Variants in RNF111 observed in about 807,000 individuals in gnomAD.
The protein encoded by RNF111 is ring finger protein 111, also known as E3 ubiquitin-protein ligase Arkadia.
Under a neutral mutation model 95.1 loss-of-function variants are expected in RNF111, and 17 were observed. That is an observed-to-expected ratio of 0.18 (90% CI 0.12 to 0.27). The LOEUF is 0.27. Among genes scored for constraint, RNF111 ranks in the 10% least tolerant of loss-of-function variants. The pLI is 1.00. For missense variants in RNF111, 1,189 were observed against 1,210.4 expected (o/e 0.98, Z 0.26); for synonymous variants, 440 against 414.8 (o/e 1.06, Z -0.74).
intron 3 of RNF111, among the ~76,000 whole-genome samples, chr15:59,053,202 T>C (rs1192334990): frequency 2.0e-5 from 3 of 152,190 alleles, no homozygotes; most frequent in African/African-American, 7.2e-5. Context: ...TAATGAAACA[T>C]CCTTATCTGT....
At chr15:59,004,041 T>C in intron 1 of RNF111, 1 of 424,252 alleles carries the variant, frequency 2.4e-6, no homozygotes, top group Non-Finnish European at 3.4e-6. Context: ...CTATCCTGTG[T>C]TTATCCTCCT....
chr15:59,014,288 C>T (rs2039966093), intron 1 of RNF111, among the ~76,000 whole-genome samples: 2 of 152,080 alleles, frequency 1.3e-5, no homozygotes, highest in Non-Finnish European at 2.9e-5. Context: ...CTGGTGAAAT[C>T]AGCTGTTTTG....
intron 1 of RNF111, among the ~76,000 whole-genome samples, chr15:59,020,250 A>G (rs1245832161): frequency 6.7e-6 from 1 of 150,178 alleles, no homozygotes; most frequent in Admixed American, 6.7e-5. Flanking sequence ...CTGTACATAA[A>G]TATAACAATA....
chr15:59,028,707 A>C (rs545508059), intron 1 of RNF111, among the ~76,000 whole-genome samples: 1 of 151,814 alleles, frequency 6.6e-6, no homozygotes, highest in South Asian at 2.1e-4. Flanking sequence ...TTTTTTTATG[A>C]ATATGTGTTT....
intron 2 of RNF111, among the ~76,000 whole-genome samples, chr15:59,039,904 A>C (rs530044160): frequency 6.6e-6 from 1 of 151,356 alleles, no homozygotes; most frequent in Non-Finnish European, 1.5e-5. Context: ...TTTAGTAGAG[A>C]CGGGGTTTCA....
Position 59,030,987 on chromosome 15 carries a change from G to A in RNF111, c.165G>A (p.Met55Ile). Residue 55 changes from methionine to isoleucine, a missense_variant, in exon 2 of 14, where the codon ATG (methionine) becomes ATA (isoleucine). Coordinates refer to ENST00000348370, the MANE Select transcript of RNF111 (RefSeq NM_017610.8). The part of the protein sequence containing the change: ...AAKSFPAGVE[M>I]INSKVGNEFS... ...AAAGTTTTCCTGCAGGAGTTGAGAT[G>A]ATTAATAGTAAAGTGGGGAATGAAT... The A allele has an allele frequency of 6.2e-7, 1 of 1,614,142 alleles. No individual in the cohort carries two copies. The highest frequency in any genetic ancestry group is 8.5e-7 in the Non-Finnish European group (1 of 1,180,028).
intron 2 of RNF111, among the ~76,000 whole-genome samples, chr15:59,035,824 C>A (rs2041149665): frequency 6.6e-6 from 1 of 152,170 alleles, no homozygotes; most frequent in Non-Finnish European, 1.5e-5. Context: ...TTGTCCATAT[C>A]ACTGTCAGCA....
intron 2 of RNF111, among the ~76,000 whole-genome samples, chr15:59,038,780 G>A (rs961275628): frequency 1.4e-4 from 22 of 152,106 alleles, no homozygotes; most frequent in Admixed American, 5.9e-4. Flanking sequence ...TTCAAGTTTA[G>A]TTCCGGCAGT....
At chr15:59,000,364 T>C (rs1429715526) in intron 1 of RNF111, among the ~76,000 whole-genome samples, 1 of 151,968 alleles carries the variant, frequency 6.6e-6, no homozygotes, top group Admixed American at 6.6e-5. Context: ...GGTTTCACCA[T>C]GTTGTCCAGG....
intron 1 of RNF111, among the ~76,000 whole-genome samples, chr15:59,018,311 G>A (rs537674383): frequency 1.3e-5 from 2 of 152,152 alleles, no homozygotes; most frequent in African/African-American, 2.4e-5. Context: ...CTGAGTTTCT[G>A]CCCTATTCTG....
chr15:59,083,569 C>A lies in RNF111; in HGVS notation c.2298-560C>A, dbSNP rs192566966. On this transcript the variant is annotated intron_variant, in intron 8 of 13. Coordinates refer to ENST00000348370, the MANE Select transcript of RNF111 (RefSeq NM_017610.8). ...AAAAAAGTATGAATCAAGCTAAATA[C>A]ACGTTTCCTAGGTGTGTTAACTTGT... Among the ~76,000 whole-genome samples, 121 of 151,210 alleles carry A rather than the reference C, an allele frequency of 8.0e-4. 1 individual carries two copies. The highest frequency in any genetic ancestry group is 1.0e-3 in the South Asian group (5 of 4,792).
At chr15:59,073,097 G>A (rs1173154573) in intron 6 of RNF111, among the ~76,000 whole-genome samples, 2 of 152,092 alleles carry the variant, frequency 1.3e-5, no homozygotes, top group African/African-American at 4.8e-5. Flanking sequence ...TGCTTGAGCT[G>A]GGTAGGTGGA....
At chr15:59,035,216 AATT>A (rs1349880127) in intron 2 of RNF111, among the ~76,000 whole-genome samples, 1 of 152,124 alleles carries the variant, frequency 6.6e-6, no homozygotes, top group African/African-American at 2.4e-5. Flanking sequence ...GACACGTGGG[AATT>A]ATTATAAGTC....
At chr15:59,063,393 C>G (rs1398112943) in intron 5 of RNF111, among the ~76,000 whole-genome samples, 1 of 152,174 alleles carries the variant, frequency 6.6e-6, no homozygotes, top group African/African-American at 2.4e-5. Flanking sequence ...ATGCCTGCCT[C>G]TCGATAATCC....
Position 59,031,348 on chromosome 15 carries a change from A to G in RNF111, c.526A>G (p.Ser176Gly), listed in dbSNP as rs760557447. 3 of 1,614,208 alleles carry G rather than the reference A, an allele frequency of 1.9e-6. No homozygotes were observed. The highest frequency in any genetic ancestry group is 2.2e-5 in the East Asian group (1 of 44,888). Reference protein sequence around the residue: ...SQTILNAKSRSHSARSHKWPR... With the variant: ...SQTILNAKSRGHSARSHKWPR... ...GACCATTTTGAATGCTAAAAGTAGA[A>G]GCCATAGTGCACGGTCTCATAAGTG... The change falls in exon 2 of 14, where the codon AGC (serine) becomes GGC (glycine). Residue 176 changes from serine to glycine, a missense_variant. Around this residue, in one of 2 missense-constraint regions of RNF111, gnomAD observed 1,024 missense variants for 925.9 expected, o/e 1.11. Coordinates refer to ENST00000348370, the MANE Select transcript of RNF111 (RefSeq NM_017610.8).
At position 59,053,163 on chromosome 15, in the gene RNF111, A is replaced by G. The variant is rs1367633089; in HGVS notation, c.1007+732A>G. ...TTTGATTCTTTTTCCTTCACTCAGT[A>G]ATTTTATCGGTGCTCTGAACTAACA... On this transcript the variant is annotated intron_variant, in intron 3 of 13. Transcript: ENST00000348370. Among the ~76,000 whole-genome samples, 4 of 152,194 alleles carry G rather than the reference A, an allele frequency of 2.6e-5. No homozygotes were observed. The South Asian group carries it at 8.3e-4, about 32-fold the overall frequency.
intron 2 of RNF111, among the ~76,000 whole-genome samples, chr15:59,037,807 G>T (rs2041254564): frequency 6.6e-6 from 1 of 152,118 alleles, no homozygotes; most frequent in Non-Finnish European, 1.5e-5. Context: ...TTGCACTCCA[G>T]CCTGGGCAAC....
At position 59,031,308 on chromosome 15, in the gene RNF111, T is replaced by G; in HGVS notation, c.486T>G (p.Ser162=). 1 of 1,614,210 alleles carries G rather than the reference T, an allele frequency of 6.2e-7. No homozygotes were observed. The part of the protein sequence containing the change: ...TVTSDEDKEV[S]VRHSQTILNA... ...CTTCAGATGAGGATAAAGAAGTCTC[T>G]GTAAGACATTCCCAGACCATTTTGA... is the stretch of plus-strand genomic sequence containing the variant. The change falls in exon 2 of 14, where the codon TCT becomes TCG. Residue 162 remains serine (S), a synonymous_variant. Transcript: ENST00000348370.
At chr15:59,006,042 A>G (rs2039526421) in intron 1 of RNF111, among the ~76,000 whole-genome samples, 1 of 152,246 alleles carries the variant, frequency 6.6e-6, no homozygotes. Context: ...AAGGAAAACC[A>G]TCTAAAGTAT....
Sources: allele counts gnomAD v4.1 joint callset (sites outside exome capture counted in the v4.1 genomes callset), GRCh38; gene constraint gnomAD v4.1.1; regional missense constraint gnomAD v4.1.1; transcripts MANE v1.5; gene names NCBI Gene and HGNC (gene_info 2026-07-23, HGNC 2026-07-21).